Variants in AFF2 observed in about 807,000 individuals in gnomAD.
AFF2 encodes the protein AF4/FMR2 family member 2.
A neutral mutation model predicts 76.9 loss-of-function variants in AFF2; 14 were observed. That is an observed-to-expected ratio of 0.18 (90% CI 0.12 to 0.28). The LOEUF (loss-of-function observed/expected upper bound fraction) is 0.28, where lower values mean the gene tolerates loss of function less well. AFF2 is among the 10% of genes least tolerant of loss of function. The probability of loss-of-function intolerance (pLI) is 1.00; values close to 1 mark genes in which losing one functional copy is unlikely to be tolerated. For missense variants in AFF2, 868 were observed against 1,001.1 expected (o/e 0.87, Z 1.79); for synonymous variants, 398 against 366.7 (o/e 1.09, Z -0.98).
At chrX:148,955,370 C>T (rs2072020628) in intron 10 of AFF2, among the ~76,000 whole-genome samples, 1 of 112,473 alleles carries the variant, frequency 8.9e-6, no homozygotes, top group South Asian at 3.7e-4. Flanking sequence ...GAGAAGGAGT[C>T]GAAATGAGCT....
intron 9 of AFF2, among the ~76,000 whole-genome samples, chrX:148,933,718 C>A (rs1409977496): frequency 8.9e-6 from 1 of 111,996 alleles, no homozygotes; most frequent in Non-Finnish European, 1.9e-5. Flanking sequence ...TTGCTATTAG[C>A]TGAGTCATTT....
chrX:148,822,787 C>T (rs1557272660), intron 4 of AFF2, among the ~76,000 whole-genome samples: 1 of 108,886 alleles, frequency 9.2e-6, no homozygotes, highest in Admixed American at 9.9e-5. Context: ...TTCCCCAAAG[C>T]CTTTCATTAT....
chrX:148,935,742 A>G (rs17278694), intron 9 of AFF2, among the ~76,000 whole-genome samples: 2,343 of 111,920 alleles, frequency 0.021, 132 homozygotes, highest in East Asian at 0.19. Flanking sequence ...TGTTTTTTAT[A>G]AGAATGATAA....
chrX:148,762,701 A>G (rs1557267421), intron 3 of AFF2, among the ~76,000 whole-genome samples: 5 of 110,396 alleles, frequency 4.5e-5, no homozygotes. Context: ...TACCCCATGC[A>G]TCTTATAACT....
chrX:148,532,363 T>C (rs1557236023), intron 1 of AFF2, among the ~76,000 whole-genome samples: 1 of 112,146 alleles, frequency 8.9e-6, no homozygotes, highest in Non-Finnish European at 1.9e-5. Context: ...ATTGTTTTAT[T>C]GTTGAGTGTT....
chrX:148,877,759 TG>T (rs1194899759), intron 7 of AFF2, among the ~76,000 whole-genome samples: 1 of 112,066 alleles, frequency 8.9e-6, no homozygotes, highest in East Asian at 2.8e-4. Context: ...AATTGGTCCT[TG>T]CCCCCATTGA....
chrX:148,991,385 G>A lies in AFF2; in HGVS notation c.*53G>A, dbSNP rs370349898. 73 of 1,117,605 alleles carry A rather than the reference G, an allele frequency of 6.5e-5. No homozygotes were observed. Among genetic ancestry groups the A allele is most frequent in the Non-Finnish European group, 6.8e-5 (57 of 839,688 alleles). 92.1% of individuals were successfully genotyped at this position (1,117,605 alleles called of 1,213,427 possible). On this transcript the variant is annotated 3_prime_UTR_variant, in exon 21 of 21. Coordinates refer to ENST00000370460, the MANE Select transcript of AFF2 (RefSeq NM_002025.4). ...GACCCATCACTCTACCTCTACCAGC[G>A]CACTGATGGTCACTGGTGGAACTCC...
At chrX:148,919,504 C>T (rs2071568701) in intron 9 of AFF2, among the ~76,000 whole-genome samples, 1 of 110,009 alleles carries the variant, frequency 9.1e-6, no homozygotes, top group African/African-American at 3.3e-5. Flanking sequence ...GAAACCTCAT[C>T]CTTGAAATAA....
intron 7 of AFF2, among the ~76,000 whole-genome samples, chrX:148,868,463 A>G (rs2070934657): frequency 8.9e-6 from 1 of 112,179 alleles, no homozygotes; most frequent in African/African-American, 3.2e-5. Context: ...GGGATAGAGA[A>G]GAGAGGACAG....
At chrX:148,883,384 C>T (rs1322175129) in intron 7 of AFF2, among the ~76,000 whole-genome samples, 2 of 111,481 alleles carry the variant, frequency 1.8e-5, no homozygotes, top group Non-Finnish European at 3.8e-5. Flanking sequence ...AATGGTGCCC[C>T]GCATTATTAG....
chrX:148,614,693 TTTTCTTTCTTTCTTTC>T lies in AFF2; in HGVS notation c.48-37281_48-37266del, dbSNP rs548569376. Among the ~76,000 whole-genome samples the T allele has an allele frequency of 7.1e-5, 4 of 56,131 alleles. No homozygotes were observed. The East Asian group carries it at 1.6e-3, about 23-fold the overall frequency. 48.7% of individuals were successfully genotyped at this position (56,131 alleles called of 115,157 possible). ...CTTTTCTTCCTTCTTTCCTTCTTTC[TTTTCTTTCTTTCTTTC>T]TTTCTTTCTTTCTTTCTTTCTTTCC... On this transcript the variant is annotated intron_variant, in intron 1 of 20. Transcript: ENST00000370460.
intron 4 of AFF2, among the ~76,000 whole-genome samples, chrX:148,819,027 TTTTG>T (rs1242583542): frequency 9.0e-6 from 1 of 111,194 alleles, no homozygotes; most frequent in Non-Finnish European, 1.9e-5. Context: ...CCTAGCATTT[TTTTG>T]TACCTGGCAC....
intron 1 of AFF2, among the ~76,000 whole-genome samples, chrX:148,553,298 A>G (rs782354144): frequency 8.9e-6 from 1 of 112,024 alleles, no homozygotes; most frequent in South Asian, 3.7e-4. Context: ...TTTTGCAGCC[A>G]CATTAGAAAA....
chrX:148,773,538 T>G (rs1233299058), intron 3 of AFF2, among the ~76,000 whole-genome samples: 3 of 107,802 alleles, frequency 2.8e-5, no homozygotes, highest in Non-Finnish European at 5.7e-5. Flanking sequence ...CTTGGAAATA[T>G]GCAAAATTTG....
At position 148,692,079 on chromosome X, in the gene AFF2, A is replaced by G. The variant is rs917171862; in HGVS notation, c.1041+29311A>G. ...TTTTTGCCTGATTTGTAGATGTGAT[A>G]GGAACATTCGTTGGAAGAACTGTAA... On this transcript the variant is annotated intron_variant, in intron 3 of 20. Transcript: ENST00000370460. Among the ~76,000 whole-genome samples the G allele has an allele frequency of 6.3e-4, 69 of 108,842 alleles. 1 individual carries two copies. The highest frequency in any genetic ancestry group is 9.1e-4 in the Non-Finnish European group (48 of 52,600). 94.5% of individuals were successfully genotyped at this position (108,842 alleles called of 115,157 possible). A position where few individuals can be genotyped will look rare whatever the true frequency, so the allele number is the denominator to read the frequency against.
intron 8 of AFF2, among the ~76,000 whole-genome samples, chrX:148,894,190 C>T (rs1441780552): frequency 9.0e-6 from 1 of 111,504 alleles, no homozygotes; most frequent in Non-Finnish European, 1.9e-5. Flanking sequence ...CACTTTGCCA[C>T]TTTGAAAAAG....
At chrX:148,597,734 C>T (rs897964530) in intron 1 of AFF2, among the ~76,000 whole-genome samples, 12 of 110,871 alleles carry the variant, frequency 1.1e-4, no homozygotes, top group Non-Finnish European at 1.9e-4. Context: ...ATAATCACCC[C>T]CCTGAGGAGT....
At chrX:148,742,759 C>T (rs2124565878) in intron 3 of AFF2, among the ~76,000 whole-genome samples, 1 of 111,834 alleles carries the variant, frequency 8.9e-6, no homozygotes, top group Non-Finnish European at 1.9e-5. Flanking sequence ...TGACCGGTTG[C>T]TAAATATCAG....
intron 3 of AFF2, among the ~76,000 whole-genome samples, chrX:148,710,186 G>C (rs782443192): frequency 8.9e-6 from 1 of 111,924 alleles, no homozygotes; most frequent in East Asian, 2.8e-4. Context: ...TGATGAAATT[G>C]ATCAGGTTGT....
Sources: allele counts gnomAD v4.1 joint callset (sites outside exome capture counted in the v4.1 genomes callset), GRCh38; gene constraint gnomAD v4.1.1; transcripts MANE v1.5; gene names NCBI Gene and HGNC (gene_info 2026-07-23, HGNC 2026-07-21).